The following CER1 variants were observed in gnomAD, a reference collection of about 807,000 sequenced individuals.
CER1 encodes the protein cerberus 1, DAN family BMP antagonist.
Under a neutral mutation model 11.8 loss-of-function variants are expected in CER1, and 10 were observed. The ratio of observed to expected loss-of-function variants is 0.85; its 90% CI spans 0.52 to 1.44. The LOEUF (loss-of-function observed/expected upper bound fraction) is 1.44, where lower values mean the gene tolerates loss of function less well. CER1 is among the 40% of genes most tolerant of loss of function. The pLI is 0.00. For synonymous variants in CER1, 141 were observed against 122.3 expected (o/e 1.15, Z -1.01); for missense variants, 431 against 327.0 (o/e 1.32, Z -2.45).
In CER1 at chr9:14,720,074, A is replaced by G; in HGVS notation, c.*16T>C. 3.7e-6 allele frequency: 6 copies of G among 1,608,304 alleles called. No individual in the cohort carries two copies. The highest frequency in any genetic ancestry group is 5.1e-6 in the Non-Finnish European group (6 of 1,175,092). On this transcript the variant is annotated 3_prime_UTR_variant, in exon 2 of 2. Transcript: ENST00000380911. ...GTTGTGGTTTTGCTTTTCAAAGGTA[A>G]TAGTGGGATAGCTCTTCAAGCTGAA...
Position 14,720,321 on chromosome 9 carries a change from C to A in CER1, c.573G>T (p.Gly191=), listed in dbSNP as rs1384881591. The A allele has an allele frequency of 6.2e-7, 1 of 1,614,000 alleles. No individual in the cohort carries two copies. The highest frequency in any genetic ancestry group is 2.2e-5 in the East Asian group (1 of 44,888). ...VQNNLCFGKC[G]SVHFPGAAQH... ...GCGCGGCTCCAGGAAAATGAACAGA[C>A]CCGCATTTCCCAAAGCAAAGGTTGT... The change falls in exon 2 of 2, where the codon GGG becomes GGT. Residue 191 remains glycine (G), a synonymous_variant. Transcript: ENST00000380911.
rs766311169 is a variant in CER1 at position 14,722,150 on chromosome 9, C to A, written c.507+16G>T. On this transcript the variant is annotated intron_variant, in intron 1 of 1. Transcript: ENST00000380911. ...CACCTGCAAACTCTTACCTGCTCTC[C>A]CCCCAGAACACATACCTGGCTGAAG... is the stretch of plus-strand genomic sequence containing the variant. 1.9e-6 allele frequency: 3 copies of A among 1,602,774 alleles called. No individual in the cohort carries two copies. The African/African-American group carries it at 4.0e-5, about 21-fold the overall frequency.
In CER1 at chr9:14,720,281, A is replaced by G. The variant is rs1255684864; in HGVS notation, c.613T>C (p.Ser205Pro). 6.2e-7 allele frequency: 1 copy of G among 1,614,122 alleles called. No individual in the cohort carries two copies. Among genetic ancestry groups the G allele is most frequent in the South Asian group, 1.1e-5 (1 of 91,076 alleles). Reference sequence around the variant, plus strand: ...TTGGCAGGCAAACAGTGAGAGCAGGAGGTATGGGAGTGCTGCGCGGCTCCA... The same window carrying G: ...TTGGCAGGCAAACAGTGAGAGCAGGGGGTATGGGAGTGCTGCGCGGCTCCA... The part of the protein sequence containing the change: ...FPGAAQHSHT[S>P]CSHCLPAKFT... The change falls in exon 2 of 2, where the codon TCC (serine) becomes CCC (proline). Residue 205 changes from serine to proline, a missense_variant. Physicochemically the swap from Ser to Pro is moderately conservative, Grantham distance 74 (BLOSUM62 -1). Transcript: ENST00000380911.
At position 14,722,563 on chromosome 9, in the gene CER1, C is replaced by T. The variant is rs752916411; in HGVS notation, c.110G>A (p.Arg37Lys). 3 of 1,614,050 alleles carry T rather than the reference C, an allele frequency of 1.9e-6. No homozygotes were observed. The Admixed American group carries it at 5.0e-5, about 27-fold the overall frequency. ...QSSLSPVLLP[R>K]NQRELPTGNH... ...GCCTGTGGGAAGCTCTCTTTGATTC[C>T]TTGGCAGGAGTACGGGGGAAAGAGA... The change falls in exon 1 of 2, where the codon AGG becomes AAG. Residue 37 changes from arginine (R) to lysine (K), a missense_variant. Physicochemically the swap from Arg to Lys is conservative, Grantham distance 26. Transcript: ENST00000380911.
At chr9:14,719,472 G>C (rs549832732), downstream of CER1, among the ~76,000 whole-genome samples, 1 of 152,134 alleles carries the variant, frequency 6.6e-6, no homozygotes, top group South Asian at 2.1e-4. Context: ...GTAACTATAA[G>C]TATGAGAATC....
intron 1 of CER1, among the ~76,000 whole-genome samples, chr9:14,721,595 G>C (rs1840012962): frequency 6.6e-6 from 1 of 152,196 alleles, no homozygotes; most frequent in South Asian, 2.1e-4. Context: ...CTTTGAGGTT[G>C]TGGGATAGCT....
chr9:14,720,438 C>T (rs1013809491), intron 1 of CER1, 52 bp from the exon 2 acceptor site: 11 of 1,501,402 alleles, frequency 7.3e-6, no homozygotes, highest in Admixed American at 1.8e-5. Flanking sequence ...TTCTTTAACA[C>T]ACATAATGCA....
rs1839992241 is a variant in CER1, at chr9:14,720,390, A to G, written c.508-4T>C. ...CACAGCCTTCGTGGGTTATAGTCTA[A>G]AAAGCAAACACATTTCCATTACGTT... On this transcript the variant is annotated splice_region_variant and splice_polypyrimidine_tract_variant and intron_variant, in intron 1 of 1. Transcript: ENST00000380911. 1 of 1,603,782 alleles carries G rather than the reference A, an allele frequency of 6.2e-7. No homozygotes were observed. Among genetic ancestry groups the G allele is most frequent in the East Asian group, 2.2e-5 (1 of 44,646 alleles).
rs1563781579 is a variant in CER1, at chr9:14,722,606, C to T, written c.67G>A (p.Gly23Ser). The T allele has an allele frequency of 6.2e-7, 1 of 1,610,082 alleles. No homozygotes were observed. Among genetic ancestry groups the T allele is most frequent in the Non-Finnish European group, 8.5e-7 (1 of 1,179,954 alleles). Residue 23 changes from glycine (G) to serine (S), a missense_variant, in exon 1 of 2, where the codon GGC (glycine) becomes AGC (serine). Coordinates refer to ENST00000380911, the MANE Select transcript of CER1 (RefSeq NM_005454.3). ...GAAAGAGAACTCTGATTCTGGCGGC[C>T]ATCCTGGTGCCGTGTGGTCTTTCCT... The part of the protein sequence containing the change: ...PLGKTTRHQD[G>S]RQNQSSLSPV...
At chr9:14,717,443 G>A (rs546537315), downstream of CER1, among the ~76,000 whole-genome samples, 9 of 152,162 alleles carry the variant, frequency 5.9e-5, no homozygotes, top group African/African-American at 1.9e-4. Context: ...AGGTCTGAAC[G>A]GAAAAGAATA....
At chr9:14,719,571 C>CTTCT (rs1839978181), downstream of CER1, among the ~76,000 whole-genome samples, 3 of 103,638 alleles carry the variant, frequency 2.9e-5, no homozygotes, top group African/African-American at 1.5e-4. Context: ...GCCTTCCTTC[C>CTTCT]TTCCTTCCTT....
rs1839993388 is a variant in CER1, at chr9:14,720,464, A to T, written c.508-78T>A. On this transcript the variant is annotated intron_variant, in intron 1 of 1. Coordinates refer to ENST00000380911, the MANE Select transcript of CER1 (RefSeq NM_005454.3). ...ACATAATGCAGAAGCTATGGACTGT[A>T]AATCTGAGGATAATTTAAAAATTTC... 3.0e-6 allele frequency: 4 copies of T among 1,350,968 alleles called. No individual in the cohort carries two copies. The South Asian group carries it at 5.8e-5, about 20-fold the overall frequency. The allele number at this position is 1,350,968 out of a possible 1,614,324, so 83.7% of individuals were successfully genotyped here. A position where few individuals can be genotyped will look rare whatever the true frequency, so the allele number is the denominator to read the frequency against.
chr9:14,720,257 TG>T lies in CER1; in HGVS notation c.636del (p.Lys213SerfsTer9). 2.5e-6 allele frequency: 4 copies of T among 1,614,120 alleles called. No individual in the cohort carries two copies. The highest frequency in any genetic ancestry group is 3.4e-6 in the Non-Finnish European group (4 of 1,180,044). On this transcript the variant is annotated frameshift_variant, in exon 2 of 2. Coordinates refer to ENST00000380911, the MANE Select transcript of CER1 (RefSeq NM_005454.3). LOFTEE classifies it low-confidence loss of function (END_TRUNC). The stretch of plus-strand genomic sequence containing the variant: ...AGTGGCAAGTGCATCGTGGTGAACT[TG>T]GCAGGCAAACAGTGAGAGCAGGAGG... ...SHTSCSHCLP[A>X]KFTTMHLPLN... is the part of the protein sequence containing the mutation.
chr9:14,720,170 T>G lies in CER1; in HGVS notation c.724A>C (p.Lys242Gln). The part of the protein sequence containing the change: ...VVMLVEECQC[K>Q]VKTEHEDGHI... ...CCATCTTCATGCTCCGTCTTCACCTTGCACTGGCACTCCTCCACCAGCATC... is the reference window on the plus strand; with the variant it reads ...CCATCTTCATGCTCCGTCTTCACCTGGCACTGGCACTCCTCCACCAGCATC... The change falls in exon 2 of 2, where the codon AAG (lysine) becomes CAG (glutamine). Residue 242 changes from lysine (K) to glutamine (Q), a missense_variant. Lys to Gln is a moderately conservative substitution (Grantham distance 53). Coordinates refer to ENST00000380911, the MANE Select transcript of CER1 (RefSeq NM_005454.3). The G allele has an allele frequency of 6.2e-7, 1 of 1,614,152 alleles. No homozygotes were observed. Among genetic ancestry groups the G allele is most frequent in the Non-Finnish European group, 8.5e-7 (1 of 1,180,026 alleles).
rs1330888909 is a variant in CER1, at chr9:14,720,257, T to C, written c.637A>G (p.Lys213Glu). ...HTSCSHCLPA[K>E]FTTMHLPLNC... ...AGTGGCAAGTGCATCGTGGTGAACT[T>C]GGCAGGCAAACAGTGAGAGCAGGAG... is the stretch of plus-strand genomic sequence containing the variant. Residue 213 changes from lysine to glutamate, a missense_variant, in exon 2 of 2, where the codon AAG (lysine) becomes GAG (glutamate). Transcript: ENST00000380911. The C allele has an allele frequency of 2.5e-6, 4 of 1,614,120 alleles. No individual in the cohort carries two copies. The highest frequency in any genetic ancestry group is 8.5e-7 in the Non-Finnish European group (1 of 1,180,044).
chr9:14,721,020 C>T (rs1010742274), intron 1 of CER1, among the ~76,000 whole-genome samples: 3 of 152,066 alleles, frequency 2.0e-5, no homozygotes, highest in African/African-American at 7.2e-5. Context: ...ATTTAATTAG[C>T]AATAGAATTC....
intron 1 of CER1, among the ~76,000 whole-genome samples, 188 bp from the exon 2 acceptor site, chr9:14,720,574 T>G (rs185396727): frequency 1.3e-3 from 193 of 152,336 alleles, no homozygotes; most frequent in Non-Finnish European, 2.2e-3. Flanking sequence ...TAAATTTTCT[T>G]TATTGAGTAA....
intron 1 of CER1, 117 bp downstream of exon 1, chr9:14,722,049 A>G: frequency 1.6e-6 from 2 of 1,215,910 alleles, no homozygotes; most frequent in Non-Finnish European, 2.3e-6. Flanking sequence ...CCCAAGGACC[A>G]AATCTGTAGT....
chr9:14,722,216 T>G lies in CER1; in HGVS notation c.457A>C (p.Lys153Gln). ...PASQGVILPI[K>Q]SHEVHWETCR... Reference sequence around the variant, plus strand: ...GTCTCCCAATGTACTTCATGGCTTTTGATGGGCAAGATGACCCCCTGAGAA... The same window carrying G: ...GTCTCCCAATGTACTTCATGGCTTTGGATGGGCAAGATGACCCCCTGAGAA... The change falls in exon 1 of 2, where the codon AAA (lysine) becomes CAA (glutamine). Residue 153 changes from lysine to glutamine, a missense_variant. Lys to Gln is a moderately conservative substitution (Grantham distance 53). Coordinates refer to ENST00000380911, the MANE Select transcript of CER1 (RefSeq NM_005454.3). The G allele has an allele frequency of 1.2e-6, 2 of 1,614,240 alleles. No individual in the cohort carries two copies. The highest frequency in any genetic ancestry group is 1.7e-6 in the Non-Finnish European group (2 of 1,180,040).
Sources: allele counts gnomAD v4.1 joint callset (sites outside exome capture counted in the v4.1 genomes callset), GRCh38; gene constraint gnomAD v4.1.1; transcripts MANE v1.5; gene names NCBI Gene and HGNC (gene_info 2026-07-23, HGNC 2026-07-21).